Variants in CORIN observed in about 807,000 individuals in gnomAD.
CORIN encodes corin, serine peptidase.
A neutral mutation model predicts 125.3 loss-of-function variants in CORIN; 117 were observed. That is an observed-to-expected ratio of 0.93 (90% confidence interval 0.80 to 1.09). The LOEUF (loss-of-function observed/expected upper bound fraction) is 1.09, where lower values mean the gene tolerates loss of function less well. Among genes scored for constraint, CORIN ranks in the 50% least tolerant of loss-of-function variants. CORIN has a pLI of 0.00. For missense variants in CORIN, 1,253 were observed against 1,306.7 expected (o/e 0.96, Z 0.63); for synonymous variants, 450 against 466.4 (o/e 0.96, Z 0.45).
At chr4:47,817,217 C>A (rs950948060) in intron 1 of CORIN, among the ~76,000 whole-genome samples, 1 of 151,582 alleles carries the variant, frequency 6.6e-6, no homozygotes, top group African/African-American at 2.4e-5. Context: ...CAACATCAAT[C>A]GAATATCAAT....
rs138844096 is a variant in CORIN, at chr4:47,734,744, A to AT, written c.799+9657dup. On this transcript the variant is annotated intron_variant, in intron 5 of 21. Transcript: ENST00000273857. ...CACTCCTAACATTTTAGGCCATGTA[A>AT]TTTTTTGTTGTGGGAGGCTGTCCTG... Among the ~76,000 whole-genome samples, 1,422 of 152,268 alleles carry AT rather than the reference A, an allele frequency of 9.3e-3. 20 individuals carry two copies. The highest frequency in any genetic ancestry group is 0.033 in the African/African-American group (1,356 of 41,536).
At chr4:47,818,289 C>A (rs1309994480) in intron 1 of CORIN, among the ~76,000 whole-genome samples, 1 of 152,156 alleles carries the variant, frequency 6.6e-6, no homozygotes, top group African/African-American at 2.4e-5. Flanking sequence ...AAAAGTGAGA[C>A]TCTGAAGGTC....
At chr4:47,706,398 G>A in intron 5 of CORIN, 2 of 1,608,638 alleles carry the variant, frequency 1.2e-6, no homozygotes, top group Middle Eastern at 2.0e-4. Flanking sequence ...ATATCCAGGA[G>A]CTATGGAGAA....
intron 1 of CORIN, among the ~76,000 whole-genome samples, chr4:47,824,794 G>A (rs950934064): frequency 3.3e-5 from 5 of 152,166 alleles, no homozygotes; most frequent in Admixed American, 6.5e-5. Context: ...GAAAGAGAAC[G>A]CTAAACTCTC....
chr4:47,807,204 A>C (rs943233722), intron 1 of CORIN, among the ~76,000 whole-genome samples, 157 bp from the exon 2 acceptor site: 1 of 152,270 alleles, frequency 6.6e-6, no homozygotes, highest in African/African-American at 2.4e-5. Flanking sequence ...AATCATGCCA[A>C]TAAAGGAACA....
chr4:47,790,108 TC>T, intron 2 of CORIN: 1 of 484,358 alleles, frequency 2.1e-6, no homozygotes, highest in South Asian at 8.9e-5. Context: ...TTTCTACATT[TC>T]TATGTTTATT....
At chr4:47,706,342 C>A in intron 5 of CORIN, 1 of 1,536,884 alleles carries the variant, frequency 6.5e-7, no homozygotes, top group Non-Finnish European at 8.9e-7. Flanking sequence ...TTTGCCTTTC[C>A]GTCTGGCGGC....
At chr4:47,783,675 CT>C (rs1429594653) in intron 3 of CORIN, among the ~76,000 whole-genome samples, 1 of 152,088 alleles carries the variant, frequency 6.6e-6, no homozygotes, top group Non-Finnish European at 1.5e-5. Context: ...AATAAACTCT[CT>C]GCTCAGTGTT....
intron 2 of CORIN, among the ~76,000 whole-genome samples, chr4:47,787,864 C>G (rs959925076): frequency 1.2e-4 from 18 of 152,252 alleles, no homozygotes; most frequent in African/African-American, 4.3e-4. Context: ...GCTTAGCTCC[C>G]ACTTATGAGT....
intron 2 of CORIN, among the ~76,000 whole-genome samples, chr4:47,799,442 C>T (rs549178352): frequency 1.3e-5 from 2 of 152,046 alleles, no homozygotes; most frequent in South Asian, 2.1e-4. Flanking sequence ...TTGACTTTTT[C>T]GTAATAGCCA....
intron 14 of CORIN, among the ~76,000 whole-genome samples, chr4:47,643,985 G>A (rs986089437): frequency 1.3e-5 from 2 of 152,186 alleles, no homozygotes; most frequent in Non-Finnish European, 2.9e-5. Context: ...GTGCTTCACA[G>A]GACAGCTCCT....
At chr4:47,739,476 A>T (rs1171801310) in intron 5 of CORIN, among the ~76,000 whole-genome samples, 1 of 152,074 alleles carries the variant, frequency 6.6e-6, no homozygotes, top group Non-Finnish European at 1.5e-5. Flanking sequence ...AAGACAAATT[A>T]TGATATTCCC....
chr4:47,651,618 T>C (rs972504829), intron 13 of CORIN, among the ~76,000 whole-genome samples: 2 of 152,376 alleles, frequency 1.3e-5, no homozygotes, highest in Non-Finnish European at 2.9e-5. Context: ...GAGCAATTAA[T>C]TGAACTCCAA....
intron 21 of CORIN, among the ~76,000 whole-genome samples, chr4:47,596,429 A>G (rs1461195842): frequency 6.6e-6 from 1 of 152,208 alleles, no homozygotes; most frequent in Non-Finnish European, 1.5e-5. Flanking sequence ...AGTTCTTAGG[A>G]CTTTTTAATT....
At chr4:47,692,470 T>C (rs1197213247) in intron 6 of CORIN, among the ~76,000 whole-genome samples, 1 of 152,038 alleles carries the variant, frequency 6.6e-6, no homozygotes, top group Non-Finnish European at 1.5e-5. Flanking sequence ...GGGGAATAAA[T>C]TGAGGACACA....
chr4:47,760,594 C>T (rs533237581), intron 4 of CORIN, among the ~76,000 whole-genome samples: 10 of 152,130 alleles, frequency 6.6e-5, no homozygotes, highest in Non-Finnish European at 1.2e-4. Context: ...TACTTGTTAA[C>T]GGCCTTAGGA....
chr4:47,835,158 T>C (rs1013991554), intron 1 of CORIN, among the ~76,000 whole-genome samples: 6 of 151,952 alleles, frequency 3.9e-5, no homozygotes, highest in African/African-American at 1.5e-4. Context: ...AACAGGTAAG[T>C]CTTGGAATCC....
intron 5 of CORIN, among the ~76,000 whole-genome samples, chr4:47,702,880 A>G (rs1726370802): frequency 6.6e-6 from 1 of 152,098 alleles, no homozygotes; most frequent in African/African-American, 2.4e-5. Context: ...ATTGTTGATT[A>G]CCATAACTTG....
intron 11 of CORIN, among the ~76,000 whole-genome samples, chr4:47,664,547 C>A (rs184292269): frequency 1.1e-4 from 16 of 152,192 alleles, no homozygotes; most frequent in Admixed American, 7.9e-4. Context: ...CTTGAAATAG[C>A]GCATCTTATT....
Sources: allele counts gnomAD v4.1 joint callset (sites outside exome capture counted in the v4.1 genomes callset), GRCh38; gene constraint gnomAD v4.1.1; transcripts MANE v1.5; gene names NCBI Gene and HGNC (gene_info 2026-07-23, HGNC 2026-07-21).